Variants in LRRC40 observed in about 807,000 individuals in gnomAD.
LRRC40 encodes leucine-rich repeat-containing protein 40.
Under a neutral mutation model 72.8 loss-of-function variants are expected in LRRC40, and 76 were observed. The observed-to-expected ratio is 1.04, with a 90% confidence interval of 0.87 to 1.26. The LOEUF (loss-of-function observed/expected upper bound fraction) is 1.26. Among genes scored for constraint, LRRC40 ranks in the 50% most tolerant of loss-of-function variants. The pLI is 0.00. For synonymous variants in LRRC40, 243 were observed against 254.2 expected, an observed-to-expected ratio of 0.96 and a Z score of 0.42; for missense variants, 684 against 698.9, an observed-to-expected ratio of 0.98 and a Z score of 0.24.
intron 1 of LRRC40, among the ~76,000 whole-genome samples, chr1:70,193,077 A>G (rs1261065227): frequency 6.6e-6 from 1 of 152,144 alleles, no homozygotes; most frequent in Non-Finnish European, 1.5e-5. Context: ...CCCATCCCAC[A>G]ATGATCTAAG....
In LRRC40 at chr1:70,184,920, G is replaced by T. The variant is rs368042946; in HGVS notation, c.408-6C>A. On this transcript the variant is annotated splice_polypyrimidine_tract_variant and splice_region_variant and intron_variant, in intron 3 of 14. Transcript: ENST00000370952. ...GTATTTTCAGTTTATTATGGCTATTGGTTGATAAAATAAATGATGAATAAT... is the reference window on the plus strand; with the variant it reads ...GTATTTTCAGTTTATTATGGCTATTTGTTGATAAAATAAATGATGAATAAT... 6 of 1,578,010 alleles carry T rather than the reference G, an allele frequency of 3.8e-6. No homozygotes were observed. Among genetic ancestry groups the T allele is most frequent in the Non-Finnish European group, 5.2e-6 (6 of 1,158,722 alleles).
intron 9 of LRRC40, among the ~76,000 whole-genome samples, chr1:70,171,480 C>T (rs1667998366): frequency 6.6e-6 from 1 of 151,532 alleles, no homozygotes. Flanking sequence ...GTAAAGAACA[C>T]TTACAGCTCA....
At chr1:70,177,507 T>C (rs1024751843) in intron 6 of LRRC40, among the ~76,000 whole-genome samples, 23 of 152,260 alleles carry the variant, frequency 1.5e-4, no homozygotes, top group African/African-American at 5.3e-4. Context: ...AAATGATCTC[T>C]TGCAGTTCTC....
chr1:70,155,070 G>GT (rs1667608215), intron 11 of LRRC40, among the ~76,000 whole-genome samples: 1 of 152,160 alleles, frequency 6.6e-6, no homozygotes, highest in South Asian at 2.1e-4. Context: ...GATAACAAAT[G>GT]TTTTTTAAAG....
rs768757824 is a variant in LRRC40 at position 70,175,854 on chromosome 1, T to C, written c.933A>G (p.Leu311=). Residue 311 remains leucine, a synonymous_variant, in exon 7 of 15, where the codon CTA becomes CTG. Transcript: ENST00000370952. ...LKSVPDEIIL[L]RSLERLDLSN... is the part of the protein sequence containing the mutation. ...TTAGGTCAAGCCTTTCCAAGGACCG[T>C]AGTAGTATAATTTCATCTGGAACAG... 2 of 1,588,240 alleles carry C rather than the reference T, an allele frequency of 1.3e-6. No individual in the cohort carries two copies. Among genetic ancestry groups the C allele is most frequent in the Admixed American group, 1.8e-5 (1 of 54,312 alleles).
intron 1 of LRRC40, among the ~76,000 whole-genome samples, chr1:70,189,780 T>A (rs904380437): frequency 1.1e-4 from 17 of 152,356 alleles, no homozygotes; most frequent in Non-Finnish European, 1.6e-4. Flanking sequence ...GCAAAGTAGG[T>A]GTTATTATTC....
chr1:70,182,369 T>C (rs1485254645), intron 4 of LRRC40, among the ~76,000 whole-genome samples: 1 of 152,066 alleles, frequency 6.6e-6, no homozygotes, highest in African/African-American at 2.4e-5. Flanking sequence ...TGCAGTTTAA[T>C]TAGTATTGTA....
intron 9 of LRRC40, among the ~76,000 whole-genome samples, chr1:70,160,921 A>C (rs1474887395): frequency 6.6e-6 from 1 of 152,112 alleles, no homozygotes; most frequent in Non-Finnish European, 1.5e-5. Context: ...TAAAAGTAGA[A>C]CCACACCAAA....
chr1:70,159,558 A>G, intron 9 of LRRC40, 120 bp from the exon 10 acceptor site: 1 of 443,868 alleles, frequency 2.3e-6, no homozygotes, highest in Non-Finnish European at 4.1e-6. Flanking sequence ...GAATGCCTTT[A>G]GTCATATGCT....
chr1:70,155,405 A>C (rs973914945), intron 11 of LRRC40, among the ~76,000 whole-genome samples: 2 of 152,048 alleles, frequency 1.3e-5, no homozygotes, highest in Non-Finnish European at 2.9e-5. Context: ...ATTATATGGG[A>C]AAAATAATGT....
chr1:70,169,368 T>C (rs1338458850), intron 9 of LRRC40, among the ~76,000 whole-genome samples: 5 of 152,230 alleles, frequency 3.3e-5, no homozygotes, highest in African/African-American at 1.2e-4. Flanking sequence ...TGGTAAATTC[T>C]TTAACCACCC....
In LRRC40 at chr1:70,175,973, C is replaced by T. The variant is rs746389314; in HGVS notation, c.814G>A (p.Val272Ile). Residue 272 changes from valine (V) to isoleucine (I), a missense_variant, in exon 7 of 15, where the codon GTA becomes ATA. Transcript: ENST00000370952. ...PSCSLLKELH[V>I]GENQIEMLEA... ...AACATTTCAATCTGGTTTTCACCTA[C>T]GTGCAATTCCTACAAAATCAAAGAT... 6.4e-6 allele frequency: 10 copies of T among 1,551,060 alleles called. 1 individual carries two copies. The highest frequency in any genetic ancestry group is 2.5e-5 in the South Asian group (2 of 79,816).
intron 1 of LRRC40, among the ~76,000 whole-genome samples, chr1:70,191,173 G>C (rs953148044): frequency 2.0e-5 from 3 of 146,606 alleles, no homozygotes; most frequent in Non-Finnish European, 4.5e-5. Context: ...CAAACAAAAA[G>C]CTCCAGATTT....
chr1:70,180,923 C>T (rs1668229857), intron 5 of LRRC40, among the ~76,000 whole-genome samples, 163 bp downstream of exon 5: 1 of 152,128 alleles, frequency 6.6e-6, no homozygotes. Flanking sequence ...ACAGTTGATA[C>T]ATAATAATGG....
chr1:70,145,868 G>A lies in LRRC40; in HGVS notation c.1741C>T (p.Arg581Ter), dbSNP rs1042273638. 51 of 1,607,852 alleles carry A rather than the reference G, an allele frequency of 3.2e-5. No individual in the cohort carries two copies. The highest frequency in any genetic ancestry group is 8.9e-5 in the East Asian group (4 of 44,758). The part of the protein sequence containing the change: ...LLDGNPFRVP[R>*]AAILMKGTAA... Reference sequence around the variant, plus strand: ...GTTCCTTTCATTAATATGGCTGCTCGAGGAACTCGGAATGGATTTCCATCC... The same window carrying A: ...GTTCCTTTCATTAATATGGCTGCTCAAGGAACTCGGAATGGATTTCCATCC... The change falls in exon 15 of 15, where the codon CGA becomes TGA. Residue 581 changes from arginine (R) to a stop codon, truncating the protein, a stop_gained. Coordinates refer to ENST00000370952, the MANE Select transcript of LRRC40 (RefSeq NM_017768.5). LOFTEE classifies it high-confidence loss of function.
chr1:70,146,702 A>G (rs1401118654), intron 14 of LRRC40, among the ~76,000 whole-genome samples: 1 of 152,128 alleles, frequency 6.6e-6, no homozygotes, highest in Non-Finnish European at 1.5e-5. Flanking sequence ...AAGGACTGTA[A>G]TGTAATCAAT....
intron 14 of LRRC40, among the ~76,000 whole-genome samples, chr1:70,146,311 C>T (rs1486376216): frequency 1.3e-5 from 2 of 152,188 alleles, no homozygotes; most frequent in Non-Finnish European, 2.9e-5. Flanking sequence ...AGGAGTGAAC[C>T]ACCATGCTTG....
chr1:70,201,942 A>G (rs1302022704), intron 1 of LRRC40, among the ~76,000 whole-genome samples: 1 of 152,158 alleles, frequency 6.6e-6, no homozygotes, highest in African/African-American at 2.4e-5. Context: ...ACGCCATTGC[A>G]CTCCAGCCTG....
chr1:70,179,876 C>A (rs1051922595), intron 5 of LRRC40, among the ~76,000 whole-genome samples: 7 of 152,076 alleles, frequency 4.6e-5, no homozygotes, highest in African/African-American at 1.4e-4. Context: ...TGATTTAGGG[C>A]AGATTTAACT....
Sources: gnomAD v4.1 joint callset for allele counts (sites outside exome capture counted in the v4.1 genomes callset) on GRCh38, gnomAD v4.1.1 for gene constraint, MANE v1.5 for transcripts, NCBI Gene and HGNC (gene_info 2026-07-23, HGNC 2026-07-21) for gene names.